The following LRFN5 variants were observed in gnomAD, a reference collection of about 807,000 sequenced individuals.
LRFN5 encodes the protein leucine rich repeat and fibronectin type III domain containing 5.
A neutral mutation model predicts 45.6 loss-of-function variants in LRFN5; 24 were observed. The ratio of observed to expected loss-of-function variants is 0.53; its 90% CI spans 0.38 to 0.74. The LOEUF (loss-of-function observed/expected upper bound fraction) is 0.74. Ranked by LOEUF, LRFN5 falls within the 30% of genes least tolerant of loss-of-function variation. The pLI is 0.00. For missense variants in LRFN5, 776 were observed against 861.5 expected, an observed-to-expected ratio of 0.90 and a Z score of 1.24; for synonymous variants, 340 against 313.8, an observed-to-expected ratio of 1.08 and a Z score of -0.88.
chr14:41,794,127 TATA>T (rs1750160442), intron 2 of LRFN5, among the ~76,000 whole-genome samples: 1 of 152,036 alleles, frequency 6.6e-6, no homozygotes, highest in South Asian at 2.1e-4. Flanking sequence ...ATGAAAATAA[TATA>T]ATAGCTCCAA....
intron 1 of LRFN5, among the ~76,000 whole-genome samples, chr14:41,632,330 G>A (rs978709733): frequency 9.2e-5 from 14 of 152,124 alleles, no homozygotes; most frequent in African/African-American, 2.2e-4. Context: ...TTGGCCGGGC[G>A]TGGTGGCTCA....
intron 3 of LRFN5, 129 bp from the exon 4 acceptor site, chr14:41,891,121 T>C: frequency 1.3e-6 from 1 of 756,262 alleles, no homozygotes; most frequent in Non-Finnish European, 2.1e-6. Flanking sequence ...TTAGATCATT[T>C]TTCAATAATT....
chr14:41,804,988 C>T (rs994523603), intron 2 of LRFN5, among the ~76,000 whole-genome samples: 2 of 151,826 alleles, frequency 1.3e-5, no homozygotes, highest in Admixed American at 1.3e-4. Flanking sequence ...TATCTTTAGG[C>T]CATTAGTGAT....
At chr14:41,837,194 CAAAAAAA>C (rs5808157) in intron 2 of LRFN5, among the ~76,000 whole-genome samples, 32 of 75,410 alleles carry the variant, frequency 4.2e-4, no homozygotes, top group African/African-American at 1.3e-3. Flanking sequence ...ACACACTCCA[CAAAAAAA>C]AAAAAAAAAA....
chr14:41,681,658 G>T (rs1881887428), intron 1 of LRFN5, among the ~76,000 whole-genome samples: 4 of 152,074 alleles, frequency 2.6e-5, no homozygotes, highest in African/African-American at 9.6e-5. Flanking sequence ...TCTTCAGACT[G>T]AAAGAAAAGG....
intron 1 of LRFN5, among the ~76,000 whole-genome samples, chr14:41,744,722 C>T (rs1386516191): frequency 6.6e-6 from 1 of 151,908 alleles, no homozygotes; most frequent in Non-Finnish European, 1.5e-5. Context: ...TAAATATTAA[C>T]AAGAATAAAG....
At chr14:41,634,549 G>A (rs1336152412) in intron 1 of LRFN5, among the ~76,000 whole-genome samples, 2 of 152,128 alleles carry the variant, frequency 1.3e-5, no homozygotes, top group Non-Finnish European at 1.5e-5. Context: ...TTGGTAACTA[G>A]GGAAGGATTT....
chr14:41,727,625 CTAAAATAAAATAAATATATTTT>C (rs1161202488), intron 1 of LRFN5, among the ~76,000 whole-genome samples: 3 of 151,434 alleles, frequency 2.0e-5, no homozygotes, highest in Admixed American at 1.3e-4. Context: ...GACCCTGTCT[CTAAAATAAAATAAATATATTTT>C]TAAAATAAAA....
At position 41,713,347 on chromosome 14, in the gene LRFN5, A is replaced by G. The variant is rs1038054982; in HGVS notation, c.-196-53507A>G. Among the ~76,000 whole-genome samples, 79 of 152,218 alleles carry G rather than the reference A, an allele frequency of 5.2e-4. 1 individual carries two copies. The highest frequency in any genetic ancestry group is 1.8e-4 in the Non-Finnish European group (12 of 67,946). ...AAAGAAAAATGTGTGCAAACCATGG[A>G]AAGCAGTACTGAGAAATTAGACTCT... On this transcript the variant is annotated intron_variant, in intron 1 of 5. Coordinates refer to ENST00000298119, the MANE Select transcript of LRFN5 (RefSeq NM_152447.5).
chr14:41,622,753 A>G lies in LRFN5; in HGVS notation c.-197+14191A>G, dbSNP rs573483130. The stretch of plus-strand genomic sequence containing the variant: ...ACTTCTTTTTCTTTTTGTTAGAGAG[A>G]GATCACACAAGTGCTGAAGAATTAT... On this transcript the variant is annotated intron_variant, in intron 1 of 5. Transcript: ENST00000298119. Among the ~76,000 whole-genome samples, 8 of 152,228 alleles carry G rather than the reference A, an allele frequency of 5.3e-5. No individual in the cohort carries two copies. The South Asian group carries it at 1.0e-3, about 20-fold the overall frequency.
At chr14:41,895,833 TG>T (rs1037162310) in intron 4 of LRFN5, among the ~76,000 whole-genome samples, 4 of 149,784 alleles carry the variant, frequency 2.7e-5, no homozygotes, top group African/African-American at 9.7e-5. Context: ...ATAGAAGTTT[TG>T]AACCATTCTA....
intron 1 of LRFN5, among the ~76,000 whole-genome samples, chr14:41,636,261 G>T (rs1472486181): frequency 1.3e-5 from 2 of 152,122 alleles, no homozygotes; most frequent in Non-Finnish European, 2.9e-5. Flanking sequence ...CATGGAGTTG[G>T]TATTACAAAT....
intron 2 of LRFN5, among the ~76,000 whole-genome samples, chr14:41,806,542 T>C (rs2096223034): frequency 6.6e-6 from 1 of 152,188 alleles, no homozygotes; most frequent in African/African-American, 2.4e-5. Context: ...TTACGTGTGA[T>C]AATACTAAGT....
chr14:41,861,411 G>A (rs1437843550), intron 2 of LRFN5, among the ~76,000 whole-genome samples: 2 of 152,182 alleles, frequency 1.3e-5, no homozygotes, highest in South Asian at 2.1e-4. Context: ...ATTGACTGAT[G>A]AATTCCTATG....
intron 1 of LRFN5, among the ~76,000 whole-genome samples, chr14:41,709,882 T>C (rs1036759151): frequency 6.6e-6 from 1 of 152,060 alleles, no homozygotes; most frequent in Non-Finnish European, 1.5e-5. Flanking sequence ...ATAAAATGTA[T>C]TGCAGCTTAA....
At chr14:41,877,444 A>C (rs1458529721) in intron 2 of LRFN5, among the ~76,000 whole-genome samples, 1 of 152,178 alleles carries the variant, frequency 6.6e-6, no homozygotes, top group African/African-American at 2.4e-5. Context: ...GATCATGACA[A>C]ATTTTGTTTC....
intron 2 of LRFN5, among the ~76,000 whole-genome samples, chr14:41,781,547 G>A (rs1198641767): frequency 7.7e-6 from 1 of 129,172 alleles, no homozygotes; most frequent in Non-Finnish European, 1.7e-5. Flanking sequence ...AGGAAGGAAG[G>A]AGAAAAGAAA....
chr14:41,833,989 G>A (rs1888574255), intron 2 of LRFN5, among the ~76,000 whole-genome samples: 1 of 152,182 alleles, frequency 6.6e-6, no homozygotes, highest in African/African-American at 2.4e-5. Context: ...TTTTGAATGA[G>A]TTTATAAATT....
At chr14:41,750,310 T>A (rs1885079123) in intron 1 of LRFN5, among the ~76,000 whole-genome samples, 1 of 148,522 alleles carries the variant, frequency 6.7e-6, no homozygotes, top group Non-Finnish European at 1.5e-5. Flanking sequence ...ATTTTTTATA[T>A]GTATATAAGA....
Sources: gnomAD v4.1 joint callset for allele counts (sites outside exome capture counted in the v4.1 genomes callset) on GRCh38, gnomAD v4.1.1 for gene constraint, MANE v1.5 for transcripts, NCBI Gene and HGNC (gene_info 2026-07-23, HGNC 2026-07-21) for gene names.